Variants in NALF1 observed in about 807,000 individuals in gnomAD.
NALF1 encodes the protein NALCN channel auxiliary factor 1, also known as family with sequence similarity 155 member A.
A neutral mutation model predicts 48.4 loss-of-function variants in NALF1; 3 were observed. The ratio of observed to expected loss-of-function variants is 0.06; its 90% CI spans 0.03 to 0.16. NALF1 has a LOEUF of 0.16. Among genes scored for constraint, NALF1 ranks in the 10% least tolerant of loss-of-function variants. NALF1 has a pLI of 1.00. For missense variants in NALF1, 526 were observed against 571.5 expected (o/e 0.92, Z 0.81); for synonymous variants, 262 against 245.7 (o/e 1.07, Z -0.62).
intron 1 of NALF1, among the ~76,000 whole-genome samples, chr13:107,611,856 G>A (rs945367494): frequency 7.9e-5 from 12 of 151,198 alleles, no homozygotes; most frequent in Non-Finnish European, 1.3e-4. Context: ...CCAGGAGTTC[G>A]GGGTTACAGT....
chr13:107,598,006 GACT>G (rs1294885031), intron 1 of NALF1, among the ~76,000 whole-genome samples: 1 of 152,114 alleles, frequency 6.6e-6, no homozygotes, highest in South Asian at 2.1e-4. Flanking sequence ...ACAATTACAA[GACT>G]ATAACTTGGC....
chr13:107,247,444 C>T (rs1484012952), intron 1 of NALF1, among the ~76,000 whole-genome samples: 2 of 152,086 alleles, frequency 1.3e-5, no homozygotes, highest in African/African-American at 4.8e-5. Context: ...ATGACCAAAG[C>T]GCATGAGAAA....
At chr13:107,271,966 C>T (rs1406319102) in intron 1 of NALF1, among the ~76,000 whole-genome samples, 4 of 151,254 alleles carry the variant, frequency 2.6e-5, no homozygotes, top group Admixed American at 6.6e-5. Context: ...ATCATGAGAC[C>T]TCAGGACTCA....
At chr13:107,782,695 T>C (rs1343346999) in intron 1 of NALF1, among the ~76,000 whole-genome samples, 5 of 143,784 alleles carry the variant, frequency 3.5e-5, no homozygotes, top group East Asian at 2.2e-4. Context: ...GGGAGTGCCT[T>C]TGCCCCGCCG....
chr13:107,473,879 C>A (rs556496315), intron 1 of NALF1, among the ~76,000 whole-genome samples: 5 of 152,306 alleles, frequency 3.3e-5, no homozygotes, highest in Admixed American at 6.5e-5. Flanking sequence ...CCGGTGATGA[C>A]AGCGGGGCCC....
At chr13:107,778,914 T>A (rs997858079) in intron 1 of NALF1, among the ~76,000 whole-genome samples, 1 of 152,220 alleles carries the variant, frequency 6.6e-6, no homozygotes, top group Non-Finnish European at 1.5e-5. Flanking sequence ...AACCATAAAC[T>A]ATCAGATTTT....
intron 1 of NALF1, among the ~76,000 whole-genome samples, chr13:107,463,821 T>C (rs548279393): frequency 3.3e-5 from 5 of 152,290 alleles, no homozygotes; most frequent in African/African-American, 9.6e-5. Flanking sequence ...GCAGATACCA[T>C]TGTTAATGCC....
chr13:107,303,151 G>C (rs948881502), intron 1 of NALF1, among the ~76,000 whole-genome samples: 1 of 152,036 alleles, frequency 6.6e-6, no homozygotes, highest in Non-Finnish European at 1.5e-5. Context: ...ATCGTTTTAA[G>C]CTTTTTTTCA....
chr13:107,522,551 T>C (rs1226725513), intron 1 of NALF1, among the ~76,000 whole-genome samples: 1 of 151,422 alleles, frequency 6.6e-6, no homozygotes, highest in Non-Finnish European at 1.5e-5. Context: ...TCAGTTCATA[T>C]TTGTCTGGTG....
At chr13:107,492,887 A>C (rs908151402) in intron 1 of NALF1, among the ~76,000 whole-genome samples, 3 of 152,210 alleles carry the variant, frequency 2.0e-5, no homozygotes, top group Admixed American at 6.5e-5. Flanking sequence ...GACCAAAAAA[A>C]CACAGCTGTT....
chr13:107,280,679 TAA>T (rs1881369356), intron 1 of NALF1, among the ~76,000 whole-genome samples: 1 of 152,208 alleles, frequency 6.6e-6, no homozygotes, highest in South Asian at 2.1e-4. Context: ...TCAAGAAACT[TAA>T]GAGTCTTTCT....
intron 1 of NALF1, among the ~76,000 whole-genome samples, chr13:107,455,730 T>A (rs1198836003): frequency 1.3e-5 from 2 of 152,214 alleles, no homozygotes; most frequent in Non-Finnish European, 2.9e-5. Flanking sequence ...CAAGCACTGA[T>A]CCCTTTGTCT....
chr13:107,412,471 G>C (rs2139001601), intron 1 of NALF1, among the ~76,000 whole-genome samples: 1 of 152,230 alleles, frequency 6.6e-6, no homozygotes, highest in Admixed American at 6.5e-5. Context: ...ACTTGTTGTT[G>C]CTGGCACTGC....
At chr13:107,279,292 G>T (rs905937278) in intron 1 of NALF1, among the ~76,000 whole-genome samples, 1 of 151,658 alleles carries the variant, frequency 6.6e-6, no homozygotes, top group Admixed American at 6.6e-5. Flanking sequence ...TTTCATTCTT[G>T]TTGCCCGGGC....
intron 1 of NALF1, among the ~76,000 whole-genome samples, chr13:107,271,801 TATATATATATATA>T (rs1306139731): frequency 0.14 from 14,284 of 102,274 alleles, 1,186 homozygotes; most frequent in Non-Finnish European, 0.21. Flanking sequence ...TATATATATA[TATATATATATATA>T]TATTTATATA....
chr13:107,742,924 A>T (rs1466929170), intron 1 of NALF1, among the ~76,000 whole-genome samples: 1 of 152,244 alleles, frequency 6.6e-6, no homozygotes, highest in Non-Finnish European at 1.5e-5. Context: ...TAAATCCTCA[A>T]GTCTTTGGCC....
At chr13:107,625,222 C>A (rs1361263511) in intron 1 of NALF1, among the ~76,000 whole-genome samples, 2 of 152,072 alleles carry the variant, frequency 1.3e-5, no homozygotes, top group Non-Finnish European at 1.5e-5. Flanking sequence ...GCACTAGATT[C>A]ATCTCCACCC....
At chr13:107,204,297 G>A (rs11841834) in intron 2 of NALF1, among the ~76,000 whole-genome samples, 3,191 of 152,270 alleles carry the variant, frequency 0.021, 130 homozygotes, top group African/African-American at 0.072. Flanking sequence ...CTGCCGCTCC[G>A]CAAGCACCAC....
At chr13:107,482,729 G>A (rs1885272599) in intron 1 of NALF1, among the ~76,000 whole-genome samples, 1 of 152,146 alleles carries the variant, frequency 6.6e-6, no homozygotes, top group Non-Finnish European at 1.5e-5. Context: ...GATGAGAAAT[G>A]GATAGAGGTC....
Sources: allele counts gnomAD v4.1 joint callset (sites outside exome capture counted in the v4.1 genomes callset), GRCh38; gene constraint gnomAD v4.1.1; transcripts MANE v1.5; gene names NCBI Gene and HGNC (gene_info 2026-07-23, HGNC 2026-07-21).